Variants in MCF2 observed in about 807,000 individuals in gnomAD.
MCF2 encodes proto-oncogene DBL.
MCF2 carries 44 observed loss-of-function variants against 82.5 expected under a neutral mutation model. The observed-to-expected ratio is 0.53, with a 90% CI of 0.42 to 0.69. The LOEUF is 0.69. Among genes scored for constraint, MCF2 ranks in the 30% least tolerant of loss-of-function variants. The pLI, the probability that MCF2 is intolerant of heterozygous loss-of-function variation, is 0.00. For synonymous variants in MCF2, 217 were observed against 224.9 expected (o/e 0.96, Z 0.32); for missense variants, 623 against 663.1 (o/e 0.94, Z 0.66).
At chrX:139,675,216 G>GT (rs201539175) in intron 1 of MCF2, among the ~76,000 whole-genome samples, 13,276 of 111,338 alleles carry the variant, frequency 0.12, 2,011 homozygotes, top group African/African-American at 0.41. Flanking sequence ...TTTTTTCAAG[G>GT]TTTTAGCTTC....
intron 19 of MCF2, among the ~76,000 whole-genome samples, chrX:139,591,802 T>C (rs1419416530): frequency 9.1e-6 from 1 of 109,439 alleles, no homozygotes; most frequent in Non-Finnish European, 1.9e-5. Context: ...GCTCAGTACC[T>C]GGGTGATGGG....
At chrX:139,633,414 T>C (rs1294604151) in intron 1 of MCF2, among the ~76,000 whole-genome samples, 1 of 111,891 alleles carries the variant, frequency 8.9e-6, no homozygotes, top group African/African-American at 3.2e-5. Context: ...TTCATAATAA[T>C]TCTATGAAGG....
intron 19 of MCF2, among the ~76,000 whole-genome samples, chrX:139,591,251 G>C (rs1005136297): frequency 9.0e-5 from 10 of 110,620 alleles, no homozygotes; most frequent in African/African-American, 3.3e-4. Context: ...TATTTCATAG[G>C]GTTGATATAA....
chrX:139,676,723 T>C (rs1191619187), intron 1 of MCF2, among the ~76,000 whole-genome samples: 2 of 112,174 alleles, frequency 1.8e-5, no homozygotes, highest in African/African-American at 6.5e-5. Context: ...TACCTTAGTG[T>C]ATAGTAAGTG....
intron 1 of MCF2, among the ~76,000 whole-genome samples, chrX:139,656,746 T>C (rs1934212975): frequency 8.9e-6 from 1 of 112,133 alleles, no homozygotes; most frequent in Non-Finnish European, 1.9e-5. Flanking sequence ...TAGCTGACCC[T>C]CTCGAATTTC....
chrX:139,601,285 C>T lies in MCF2; in HGVS notation c.1836+1121G>A, dbSNP rs1055095948. Among the ~76,000 whole-genome samples the T allele has an allele frequency of 2.7e-5, 3 of 111,252 alleles. No individual in the cohort carries two copies. In the South Asian group the frequency reaches 1.1e-3, roughly 42 times the overall value. On this transcript the variant is annotated intron_variant, in intron 16 of 24. Transcript: ENST00000370576. ...CAAATTCAAAGTTATCACCCTAATACTAGCATAATGGATAAAAATAGTGCC... is the reference window on the plus strand; with the variant it reads ...CAAATTCAAAGTTATCACCCTAATATTAGCATAATGGATAAAAATAGTGCC...
intron 1 of MCF2, among the ~76,000 whole-genome samples, chrX:139,641,388 T>C (rs1933560091): frequency 9.1e-6 from 1 of 110,473 alleles, no homozygotes; most frequent in Non-Finnish European, 1.9e-5. Context: ...AAAGATATAA[T>C]TTTGTCAAAA....
intron 1 of MCF2, among the ~76,000 whole-genome samples, chrX:139,688,775 T>C (rs956497641): frequency 9.0e-6 from 1 of 111,592 alleles, no homozygotes. Flanking sequence ...GTACTAGACT[T>C]GCTGAGTTAT....
intron 15 of MCF2, among the ~76,000 whole-genome samples, chrX:139,602,936 A>C (rs1429011740): frequency 8.9e-6 from 1 of 111,959 alleles, no homozygotes; most frequent in African/African-American, 3.2e-5. Flanking sequence ...CCATTTAGGC[A>C]CTTATGCAAT....
chrX:139,661,190 G>A (rs1216367957), intron 1 of MCF2, among the ~76,000 whole-genome samples: 1 of 111,636 alleles, frequency 9.0e-6, no homozygotes, highest in African/African-American at 3.3e-5. Context: ...CATCAATATA[G>A]GAGTAGGTGA....
At chrX:139,618,624 G>A (rs1348506703) in intron 7 of MCF2, among the ~76,000 whole-genome samples, 4 of 111,149 alleles carry the variant, frequency 3.6e-5, no homozygotes, top group Non-Finnish European at 5.7e-5. Context: ...AGATCTACAA[G>A]CATAATTCCA....
intron 19 of MCF2, among the ~76,000 whole-genome samples, chrX:139,595,030 T>A (rs1394471009): frequency 9.1e-6 from 1 of 109,673 alleles, no homozygotes; most frequent in Non-Finnish European, 1.9e-5. Context: ...CAATGAGATA[T>A]CATCTCACAC....
At position 139,605,461 on chromosome X, in the gene MCF2, G is replaced by A. The variant is rs557800919; in HGVS notation, c.1557+252C>T. On this transcript the variant is annotated intron_variant, in intron 13 of 24. Coordinates refer to ENST00000370576, the Ensembl canonical transcript of MCF2. ...CACCCTGGGAATAATTGTAACAATC[G>A]GCTGTATCCCTAAGAGAACATTTTC... is the stretch of plus-strand genomic sequence containing the variant. Among the ~76,000 whole-genome samples the A allele has an allele frequency of 2.7e-4, 30 of 110,886 alleles. No individual in the cohort carries two copies. The South Asian group carries it at 1.0e-2, about 37-fold the overall frequency.
At chrX:139,596,449 G>A (rs1326790848) in intron 19 of MCF2, 100 bp downstream of exon 23, 5 of 575,436 alleles carry the variant, frequency 8.7e-6, no homozygotes, top group Non-Finnish European at 8.4e-6. Context: ...GATGTGCAGC[G>A]AAAGTATAAA....
chrX:139,617,689 C>T, exon 8 of MCF2: 1 of 1,171,072 alleles, frequency 8.5e-7, no homozygotes, highest in Middle Eastern at 2.4e-4. Context: ...ACAAACTGGG[C>T]CTTTGATAAT....
At chrX:139,662,572 T>C (rs929488982) in intron 1 of MCF2, among the ~76,000 whole-genome samples, 2 of 111,054 alleles carry the variant, frequency 1.8e-5, no homozygotes, top group Admixed American at 9.5e-5. Flanking sequence ...TGAGGGTCAG[T>C]TGATTTTTTT....
At chrX:139,600,255 T>C (rs1323840513) in intron 16 of MCF2, among the ~76,000 whole-genome samples, 1 of 111,210 alleles carries the variant, frequency 9.0e-6, no homozygotes, top group East Asian at 2.8e-4. Context: ...AACCACTGAA[T>C]TGTATACTTT....
chrX:139,695,053 G>A (rs1194064293), intron 1 of MCF2, among the ~76,000 whole-genome samples: 43 of 103,183 alleles, frequency 4.2e-4, no homozygotes, highest in Non-Finnish European at 7.2e-4. Context: ...TTTTTATTGA[G>A]TTGGAGTCTG....
At chrX:139,647,294 A>G (rs1241138759), upstream of MCF2, among the ~76,000 whole-genome samples, 1 of 111,797 alleles carries the variant, frequency 8.9e-6, no homozygotes, top group African/African-American at 3.3e-5. Context: ...GGAAAATTTG[A>G]TATAATCGAT....
Sources: allele counts gnomAD v4.1 joint callset (sites outside exome capture counted in the v4.1 genomes callset), GRCh38; gene constraint gnomAD v4.1.1; transcripts MANE v1.5; gene names NCBI Gene and HGNC (gene_info 2026-07-23, HGNC 2026-07-21).